Variants in KLF17 observed in about 807,000 individuals in gnomAD.
KLF17 encodes Krueppel-like factor 17.
A neutral mutation model predicts 34.2 loss-of-function variants in KLF17; 31 were observed. The ratio of observed to expected loss-of-function variants is 0.91; its 90% CI spans 0.68 to 1.22. The LOEUF (loss-of-function observed/expected upper bound fraction) is 1.22. KLF17 is among the 50% of genes most tolerant of loss of function. The probability of loss-of-function intolerance (pLI) is 0.00; values close to 1 mark genes in which losing one functional copy is unlikely to be tolerated. For missense variants in KLF17, 478 were observed against 505.2 expected (o/e 0.95, Z 0.52); for synonymous variants, 179 against 186.7 (o/e 0.96, Z 0.34).
chr1:44,127,686 CTTTCTTT>C (rs1557731999), intron 1 of KLF17, among the ~76,000 whole-genome samples: 1 of 40,774 alleles, frequency 2.5e-5, no homozygotes, highest in African/African-American at 7.1e-5. Flanking sequence ...TTCTTTCTTT[CTTTCTTT>C]TTCTTTCTTT....
chr1:44,062,124 T>C, the KLF17 span, among the ~76,000 whole-genome samples: 1 of 152,152 alleles, frequency 6.6e-6, no homozygotes, highest in Middle Eastern at 3.2e-3. Flanking sequence ...AAGCCCCAAT[T>C]TGGGATTTGC....
the KLF17 span, among the ~76,000 whole-genome samples, chr1:44,095,268 T>C: frequency 4.8e-5 from 7 of 145,494 alleles, no homozygotes; most frequent in East Asian, 1.4e-3. Context: ...GAGGCTGGAG[T>C]GCAATGGCGT....
chr1:44,129,858 T>C lies in KLF17; in HGVS notation c.587T>C (p.Val196Ala). ...PSDETLLGPTVPSTEAQAVLP... is the reference protein window; with the variant it reads ...PSDETLLGPTAPSTEAQAVLP... ...GACGAAACATTGTTGGGCCCGACTGTGCCTTCCACTGAGGCCCAGGCAGTG... is the reference window on the plus strand; with the variant it reads ...GACGAAACATTGTTGGGCCCGACTGCGCCTTCCACTGAGGCCCAGGCAGTG... Residue 196 changes from valine to alanine, a missense_variant, in exon 2 of 4, where the codon GTG (valine) becomes GCG (alanine). Coordinates refer to ENST00000372299, the MANE Select transcript of KLF17 (RefSeq NM_173484.4). The C allele has an allele frequency of 6.2e-7, 1 of 1,614,200 alleles. No homozygotes were observed. Among genetic ancestry groups the C allele is most frequent in the East Asian group, 2.2e-5 (1 of 44,870 alleles).
chr1:44,107,437 C>A, the KLF17 span, among the ~76,000 whole-genome samples: 3 of 152,194 alleles, frequency 2.0e-5, no homozygotes, highest in Admixed American at 1.3e-4. Context: ...GTAGTCCCTC[C>A]TCCTGTATCT....
chr1:44,087,736 A>G, the KLF17 span, among the ~76,000 whole-genome samples: 1 of 57,848 alleles, frequency 1.7e-5, no homozygotes, highest in Non-Finnish European at 3.0e-5. Flanking sequence ...ATATATATAT[A>G]TATATATATA....
At chr1:44,132,230 C>T (rs956074189) in intron 3 of KLF17, among the ~76,000 whole-genome samples, 21 of 152,148 alleles carry the variant, frequency 1.4e-4, no homozygotes, top group East Asian at 1.2e-3. Flanking sequence ...GGCTTGAACC[C>T]GGGAGGTGGA....
chr1:44,082,674 A>C, the KLF17 span, among the ~76,000 whole-genome samples: 1 of 152,190 alleles, frequency 6.6e-6, no homozygotes, highest in Admixed American at 6.5e-5. Context: ...AAAGCCATAC[A>C]CCAATATTCA....
At chr1:44,064,002 A>G in the KLF17 span, among the ~76,000 whole-genome samples, 1 of 152,180 alleles carries the variant, frequency 6.6e-6, no homozygotes, top group Non-Finnish European at 1.5e-5. Flanking sequence ...TCAGCAGGGC[A>G]GTGCGGGGCC....
chr1:44,110,976 A>C, the KLF17 span, among the ~76,000 whole-genome samples: 1 of 151,890 alleles, frequency 6.6e-6, no homozygotes, highest in African/African-American at 2.4e-5. Flanking sequence ...TAATTTAGTT[A>C]AACGCATTAT....
chr1:44,066,489 G>C, the KLF17 span, among the ~76,000 whole-genome samples: 1 of 150,980 alleles, frequency 6.6e-6, no homozygotes, highest in Non-Finnish European at 1.5e-5. Context: ...GCCTCCCAGA[G>C]TGCTGGGATT....
At chr1:44,112,836 C>T in the KLF17 span, among the ~76,000 whole-genome samples, 1 of 152,198 alleles carries the variant, frequency 6.6e-6, no homozygotes, top group Admixed American at 6.5e-5. Context: ...ATGAAAGAGA[C>T]TTATGTTCAT....
chr1:44,117,625 A>G (rs1290096071), upstream of KLF17, among the ~76,000 whole-genome samples: 2 of 151,846 alleles, frequency 1.3e-5, no homozygotes, highest in African/African-American at 2.4e-5. Flanking sequence ...CCTCCTGAGT[A>G]GCTGGGATTA....
chr1:44,119,017 C>T (rs2087913747), intron 1 of KLF17, 29 bp downstream of exon 1: 1 of 1,571,966 alleles, frequency 6.4e-7, no homozygotes, highest in Non-Finnish European at 8.7e-7. Context: ...CCTGGCAGGC[C>T]GGGCGGGCCC....
chr1:44,050,324 G>A, the KLF17 span, among the ~76,000 whole-genome samples: 14 of 152,296 alleles, frequency 9.2e-5, no homozygotes, highest in Non-Finnish European at 1.9e-4. Context: ...GCTGAAAGGG[G>A]AAGAGGCAAA....
chr1:44,065,458 G>A, the KLF17 span, among the ~76,000 whole-genome samples: 1 of 130,056 alleles, frequency 7.7e-6, no homozygotes, highest in African/African-American at 3.0e-5. Flanking sequence ...CACCCAGGCT[G>A]AAGTGCAGTG....
the KLF17 span, among the ~76,000 whole-genome samples, chr1:44,056,191 A>C: frequency 1.3e-5 from 2 of 152,214 alleles, no homozygotes; most frequent in Non-Finnish European, 2.9e-5. Flanking sequence ...TCCCTCTTGC[A>C]ATATGGAGAT....
rs1300864486 is a variant in KLF17 at position 44,129,714 on chromosome 1, G to A, written c.443G>A (p.Gly148Asp). The change falls in exon 2 of 4, where the codon GGT (glycine) becomes GAT (aspartate). Residue 148 changes from glycine to aspartate, a missense_variant. Gly to Asp is a moderately conservative substitution (Grantham distance 94). Coordinates refer to ENST00000372299, the MANE Select transcript of KLF17 (RefSeq NM_173484.4). ...ATTCCAAGGGTAGCCAGGCCCTTCG[G>A]TGGGAATCTAAGGATGCCCCCCAAT... ...PNIPRVARPF[G>D]GNLRMPPNGL... 1.9e-6 allele frequency: 3 copies of A among 1,614,064 alleles called. No homozygotes were observed. Among genetic ancestry groups the A allele is most frequent in the Non-Finnish European group, 2.5e-6 (3 of 1,180,034 alleles).
intron 1 of KLF17, among the ~76,000 whole-genome samples, chr1:44,125,299 G>A (rs550159129): frequency 6.6e-5 from 10 of 152,258 alleles, no homozygotes; most frequent in South Asian, 2.1e-4. Flanking sequence ...CAGTTTTGCC[G>A]TATATAGGAT....
chr1:44,093,308 G>A, the KLF17 span, among the ~76,000 whole-genome samples: 91 of 152,310 alleles, frequency 6.0e-4, no homozygotes, highest in East Asian at 0.013. Context: ...ACAGCTGGGG[G>A]TAAAAGTTTA....
Sources: allele counts gnomAD v4.1 joint callset (sites outside exome capture counted in the v4.1 genomes callset), GRCh38; gene constraint gnomAD v4.1.1; transcripts MANE v1.5; gene names NCBI Gene and HGNC (gene_info 2026-07-23, HGNC 2026-07-21).